Variants in LINGO2 observed in about 807,000 individuals in gnomAD.
The protein encoded by LINGO2 is leucine-rich repeat and immunoglobulin-like domain-containing nogo receptor-interacting protein 2.
LINGO2 carries 14 observed loss-of-function variants against 30.6 expected under a neutral mutation model. The ratio of observed to expected loss-of-function variants is 0.46; its 90% CI spans 0.30 to 0.72. The LOEUF is 0.72. Among genes scored for constraint, LINGO2 ranks in the 30% least tolerant of loss-of-function variants. The pLI, the probability that LINGO2 is intolerant of heterozygous loss-of-function variation, is 0.07. For synonymous variants in LINGO2, 317 were observed against 288.5 expected (o/e 1.10, Z -1.00); for missense variants, 729 against 751.7 (o/e 0.97, Z 0.35).
the LINGO2 span, among the ~76,000 whole-genome samples, chr9:28,783,689 G>A: frequency 6.6e-6 from 1 of 152,196 alleles, no homozygotes; most frequent in African/African-American, 2.4e-5. Flanking sequence ...CAAGACAAAA[G>A]AGAAAGTAAA....
At chr9:28,574,632 AT>A (rs560567975) in intron 1 of LINGO2, among the ~76,000 whole-genome samples, 1 of 151,996 alleles carries the variant, frequency 6.6e-6, no homozygotes, top group Non-Finnish European at 1.5e-5. Context: ...CATTATTATT[AT>A]TTTTTTCAGG....
At chr9:28,273,030 T>C (rs1822996001) in intron 4 of LINGO2, among the ~76,000 whole-genome samples, 1 of 152,178 alleles carries the variant, frequency 6.6e-6, no homozygotes, top group Non-Finnish European at 1.5e-5. Context: ...TATGTATTTT[T>C]TAGTTCCCTC....
At chr9:29,072,158 T>C in the LINGO2 span, among the ~76,000 whole-genome samples, 1 of 145,474 alleles carries the variant, frequency 6.9e-6, no homozygotes, top group East Asian at 2.0e-4. Flanking sequence ...AATGAAAACA[T>C]CCACATTATA....
chr9:27,979,983 G>A (rs546880695), intron 5 of LINGO2, among the ~76,000 whole-genome samples: 4 of 152,038 alleles, frequency 2.6e-5, no homozygotes, highest in Non-Finnish European at 5.9e-5. Context: ...CTATTATGGA[G>A]GTTGGATTCC....
the LINGO2 span, among the ~76,000 whole-genome samples, chr9:28,967,943 TTAAG>T: frequency 1.1e-4 from 17 of 152,328 alleles, no homozygotes; most frequent in South Asian, 8.3e-4. Flanking sequence ...AACCCTAATA[TTAAG>T]TAAGTACTAC....
At chr9:28,426,566 G>A (rs567215216) in intron 2 of LINGO2, among the ~76,000 whole-genome samples, 4 of 152,126 alleles carry the variant, frequency 2.6e-5, no homozygotes, top group African/African-American at 9.6e-5. Flanking sequence ...AGCTTGAAGG[G>A]AGCACTACCA....
the LINGO2 span, among the ~76,000 whole-genome samples, chr9:28,870,949 C>T: frequency 2.6e-5 from 4 of 151,756 alleles, no homozygotes; most frequent in Non-Finnish European, 5.9e-5. Flanking sequence ...GTGTAAGTTG[C>T]CATGTTTTTT....
intron 1 of LINGO2, among the ~76,000 whole-genome samples, chr9:28,584,933 A>ATTTTTTTTTTTTTTTTTTTTT (rs1046279252): frequency 7.2e-5 from 1 of 13,914 alleles, no homozygotes; most frequent in African/African-American, 1.6e-4. Context: ...ACTGCAAGAG[A>ATTTTTTTTTTTTTTTTTTTTT]TTTTTTTTTT....
the LINGO2 span, among the ~76,000 whole-genome samples, chr9:28,675,608 C>T: frequency 2.0e-5 from 3 of 151,822 alleles, no homozygotes; most frequent in East Asian, 3.9e-4. Context: ...CGGTGGCTCA[C>T]GCCTGTAATC....
the LINGO2 span, among the ~76,000 whole-genome samples, chr9:29,104,719 T>C: frequency 6.6e-6 from 1 of 152,188 alleles, no homozygotes; most frequent in Admixed American, 6.5e-5. Context: ...TCAACCTATT[T>C]TCTTCTGTTA....
At chr9:28,769,516 ATATTTTTTTTTTTTTTT>A in the LINGO2 span, among the ~76,000 whole-genome samples, 2 of 1,916 alleles carry the variant, frequency 1.0e-3, no homozygotes, top group Non-Finnish European at 2.2e-3. Context: ...ATATATATAT[ATATTTTTTTTTTTTTTT>A]TTTTTTTTTT....
chr9:28,912,879 CCTT>C, the LINGO2 span, among the ~76,000 whole-genome samples: 2 of 152,218 alleles, frequency 1.3e-5, no homozygotes, highest in East Asian at 3.9e-4. Flanking sequence ...CACCTCCTGG[CCTT>C]CTTGAGATTG....
At chr9:28,014,727 A>G (rs925133549) in intron 4 of LINGO2, among the ~76,000 whole-genome samples, 2 of 152,148 alleles carry the variant, frequency 1.3e-5, no homozygotes, top group African/African-American at 2.4e-5. Context: ...GCCACAAATT[A>G]TATTTTGTGA....
the LINGO2 span, among the ~76,000 whole-genome samples, chr9:28,786,247 A>C: frequency 3.8e-3 from 585 of 152,258 alleles, 5 homozygotes; most frequent in African/African-American, 0.013. Flanking sequence ...AATAAAAAAA[A>C]CCTCTCCTAC....
At chr9:29,107,388 G>A in the LINGO2 span, among the ~76,000 whole-genome samples, 2 of 151,962 alleles carry the variant, frequency 1.3e-5, no homozygotes, top group East Asian at 1.9e-4. Flanking sequence ...TGAATCGTAC[G>A]ATTTTAAGAA....
At chr9:28,712,898 C>CT in the LINGO2 span, among the ~76,000 whole-genome samples, 1 of 151,776 alleles carries the variant, frequency 6.6e-6, no homozygotes, top group Admixed American at 6.6e-5. Flanking sequence ...TGAAGTCTTG[C>CT]TCTGTCACCC....
intron 4 of LINGO2, among the ~76,000 whole-genome samples, chr9:28,282,921 A>G (rs1189722926): frequency 6.6e-6 from 1 of 152,244 alleles, no homozygotes; most frequent in African/African-American, 2.4e-5. Context: ...GACAGAATGT[A>G]CTAATTATTC....
intron 4 of LINGO2, among the ~76,000 whole-genome samples, chr9:28,056,540 G>A (rs1206981615): frequency 6.6e-6 from 1 of 152,084 alleles, no homozygotes; most frequent in Non-Finnish European, 1.5e-5. Flanking sequence ...ATACCTCAGT[G>A]ATTTGCATAC....
At chr9:28,165,995 C>T (rs952172844) in intron 4 of LINGO2, among the ~76,000 whole-genome samples, 1 of 152,084 alleles carries the variant, frequency 6.6e-6, no homozygotes, top group Non-Finnish European at 1.5e-5. Flanking sequence ...AATAATATAC[C>T]CTCTACTGTG....
Sources: allele counts gnomAD v4.1 joint callset (sites outside exome capture counted in the v4.1 genomes callset), GRCh38; gene constraint gnomAD v4.1.1; transcripts MANE v1.5; gene names NCBI Gene and HGNC (gene_info 2026-07-23, HGNC 2026-07-21).